The following PCDH9 variants were observed in gnomAD, a reference collection of about 807,000 sequenced individuals.
The protein encoded by PCDH9 is protocadherin-9.
PCDH9 carries 24 observed loss-of-function variants against 70.6 expected under a neutral mutation model. The ratio of observed to expected loss-of-function variants is 0.34; its 90% CI spans 0.25 to 0.48. The LOEUF is 0.48. PCDH9 is among the 20% of genes least tolerant of loss of function. The pLI, the probability that PCDH9 is intolerant of heterozygous loss-of-function variation, is 0.99. For missense variants in PCDH9, 1,281 were observed against 1,503.6 expected (o/e 0.85, Z 2.45); for synonymous variants, 562 against 558.5 (o/e 1.01, Z -0.09).
intron 2 of PCDH9, among the ~76,000 whole-genome samples, chr13:67,017,641 T>G (rs1183310037): frequency 6.6e-6 from 1 of 152,196 alleles, no homozygotes; most frequent in African/African-American, 2.4e-5. Flanking sequence ...ATTTTAGTAT[T>G]TTTAGAACTT....
intron 4 of PCDH9, among the ~76,000 whole-genome samples, chr13:66,337,921 T>A (rs1308171261): frequency 6.6e-6 from 1 of 152,188 alleles, no homozygotes; most frequent in East Asian, 1.9e-4. Flanking sequence ...GGCAACAGTG[T>A]TGAATAACAT....
intron 4 of PCDH9, among the ~76,000 whole-genome samples, chr13:66,417,333 G>C (rs9540744): frequency 0.82 from 124,810 of 152,104 alleles, 52,783 homozygotes; most frequent in South Asian, 0.95. Flanking sequence ...CAGCTTCATC[G>C]ATGTCCCTGC....
Position 66,776,948 on chromosome 13 carries a change from C to T in PCDH9, c.3138+126556G>A, listed in dbSNP as rs1345729823. Among the ~76,000 whole-genome samples, 8 of 150,202 alleles carry T rather than the reference C, an allele frequency of 5.3e-5. No homozygotes were observed. In the Admixed American group the frequency reaches 5.3e-4, roughly 10 times the overall value. Reference sequence around the variant, plus strand: ...AAAACAGAGATAGAGATCAATGGAACAGTACACAGCCCTCAGAAATAACGC... The same window carrying T: ...AAAACAGAGATAGAGATCAATGGAATAGTACACAGCCCTCAGAAATAACGC... On this transcript the variant is annotated intron_variant, in intron 3 of 4. Transcript: ENST00000377865.
At chr13:67,085,068 T>G (rs958334743) in intron 2 of PCDH9, among the ~76,000 whole-genome samples, 3 of 144,362 alleles carry the variant, frequency 2.1e-5, no homozygotes, top group Admixed American at 7.0e-5. Context: ...TATTTGCTGA[T>G]TAGAAGCTAC....
intron 3 of PCDH9, among the ~76,000 whole-genome samples, chr13:66,721,001 A>G (rs1339176416): frequency 6.6e-6 from 1 of 152,210 alleles, no homozygotes; most frequent in Non-Finnish European, 1.5e-5. Flanking sequence ...TCACAATGTT[A>G]CAATCACTGT....
intron 3 of PCDH9, among the ~76,000 whole-genome samples, chr13:66,882,538 T>C (rs996840252): frequency 2.0e-5 from 3 of 152,212 alleles, no homozygotes; most frequent in African/African-American, 7.2e-5. Context: ...ATTTATACTT[T>C]AATTCCATTC....
chr13:66,966,264 C>T (rs918188375), intron 2 of PCDH9, among the ~76,000 whole-genome samples: 1 of 152,048 alleles, frequency 6.6e-6, no homozygotes, highest in Non-Finnish European at 1.5e-5. Flanking sequence ...CCCCTCCTAC[C>T]AAACTTGTTG....
chr13:66,950,862 T>C (rs1464902862), intron 2 of PCDH9, among the ~76,000 whole-genome samples: 1 of 152,168 alleles, frequency 6.6e-6, no homozygotes, highest in African/African-American at 2.4e-5. Flanking sequence ...TCATATGGCA[T>C]AGGACAGGTT....
intron 3 of PCDH9, among the ~76,000 whole-genome samples, chr13:66,743,857 C>G (rs1593993005): frequency 1.3e-5 from 2 of 151,824 alleles, no homozygotes; most frequent in African/African-American, 2.4e-5. Flanking sequence ...AAACAAAACA[C>G]AAGTAGTGTC....
At chr13:66,773,941 C>A (rs1484252860) in intron 3 of PCDH9, among the ~76,000 whole-genome samples, 2 of 151,744 alleles carry the variant, frequency 1.3e-5, no homozygotes, top group Non-Finnish European at 2.9e-5. Context: ...CCAAGCCCGG[C>A]TAATTTTTGT....
At chr13:66,877,694 C>T (rs1181911355) in intron 3 of PCDH9, among the ~76,000 whole-genome samples, 3 of 152,114 alleles carry the variant, frequency 2.0e-5, no homozygotes, top group African/African-American at 7.2e-5. Context: ...AGTCAAGGAA[C>T]AACATCTTCA....
intron 4 of PCDH9, among the ~76,000 whole-genome samples, chr13:66,476,378 T>C (rs964908172): frequency 2.6e-5 from 4 of 152,114 alleles, no homozygotes; most frequent in African/African-American, 4.8e-5. Context: ...TACATAGAGA[T>C]AGATAAAAGA....
intron 4 of PCDH9, among the ~76,000 whole-genome samples, chr13:66,404,869 A>G (rs1056554698): frequency 6.6e-6 from 1 of 152,106 alleles, no homozygotes; most frequent in African/African-American, 2.4e-5. Flanking sequence ...GTGATTTTTA[A>G]TGGGAATTGT....
intron 3 of PCDH9, among the ~76,000 whole-genome samples, chr13:66,731,876 T>C (rs1028615946): frequency 1.3e-5 from 2 of 152,048 alleles, no homozygotes; most frequent in African/African-American, 2.4e-5. Context: ...ATATACTGTA[T>C]CATGACAAAT....
chr13:66,658,992 G>A (rs189992460), intron 3 of PCDH9, among the ~76,000 whole-genome samples: 1 of 152,064 alleles, frequency 6.6e-6, no homozygotes, highest in South Asian at 2.1e-4. Flanking sequence ...GTCATATTTT[G>A]TAAGTACAAT....
At chr13:66,353,619 C>A (rs948170943) in intron 4 of PCDH9, among the ~76,000 whole-genome samples, 1 of 152,032 alleles carries the variant, frequency 6.6e-6, no homozygotes, top group Admixed American at 6.6e-5. Context: ...TTTCTCTTTA[C>A]CTATATAGCT....
intron 2 of PCDH9, among the ~76,000 whole-genome samples, chr13:66,951,401 T>TTTGC (rs2083178667): frequency 7.1e-6 from 1 of 141,742 alleles, no homozygotes. Context: ...TGTTTGTTTG[T>TTTGC]TTGCTTGCTT....
chr13:66,742,581 C>T (rs1388943304), intron 3 of PCDH9, among the ~76,000 whole-genome samples: 32 of 139,838 alleles, frequency 2.3e-4, no homozygotes, highest in East Asian at 1.3e-3. Context: ...AGAAAATTTT[C>T]GCAACCTACT....
chr13:66,543,585 G>T (rs1961058633), intron 4 of PCDH9, among the ~76,000 whole-genome samples: 1 of 151,242 alleles, frequency 6.6e-6, no homozygotes, highest in Non-Finnish European at 1.5e-5. Flanking sequence ...AAAAGATTAA[G>T]TAAAACAAAA....
Sources: allele counts gnomAD v4.1 joint callset (sites outside exome capture counted in the v4.1 genomes callset), GRCh38; gene constraint gnomAD v4.1.1; transcripts MANE v1.5; gene names NCBI Gene and HGNC (gene_info 2026-07-23, HGNC 2026-07-21).